CAST: variants seen among roughly 807,000 people sequenced by gnomAD.
CAST encodes calpastatin.
A neutral mutation model predicts 119.6 loss-of-function variants in CAST; 76 were observed. That is an observed-to-expected ratio of 0.64 (90% confidence interval 0.53 to 0.77). CAST has a LOEUF of 0.77. CAST is among the 30% of genes least tolerant of loss of function. The pLI is 0.00. For synonymous variants in CAST, 319 were observed against 331.6 expected (o/e 0.96, Z 0.41); for missense variants, 953 against 946.5 (o/e 1.01, Z -0.09).
chr5:96,585,465 C>A (rs1580835412), intron 1 of CAST, among the ~76,000 whole-genome samples: 1 of 152,170 alleles, frequency 6.6e-6, no homozygotes, highest in Non-Finnish European at 1.5e-5. Context: ...CCAACCTGCC[C>A]ACCTCCTACC....
chr5:96,086,186 T>G, the CAST span, among the ~76,000 whole-genome samples: 1 of 152,192 alleles, frequency 6.6e-6, no homozygotes, highest in African/African-American at 2.4e-5. Flanking sequence ...TAAAAATGGT[T>G]GTATTATTGG....
intron 20 of CAST, among the ~76,000 whole-genome samples, chr5:96,752,160 C>G (rs962319489): frequency 6.6e-6 from 1 of 152,128 alleles, no homozygotes; most frequent in Admixed American, 6.5e-5. Flanking sequence ...TTAAGGAAAC[C>G]CAGAGACCTG....
the CAST span, among the ~76,000 whole-genome samples, chr5:96,047,496 A>G: frequency 2.0e-5 from 3 of 152,216 alleles, no homozygotes; most frequent in Admixed American, 1.3e-4. Context: ...AAAGACTTTC[A>G]AAGAAAAAAG....
the CAST span, among the ~76,000 whole-genome samples, chr5:96,342,422 T>C: frequency 6.6e-6 from 1 of 152,062 alleles, no homozygotes; most frequent in East Asian, 1.9e-4. Context: ...CGGGGCTGGA[T>C]TGGGGCCTGA....
chr5:96,415,059 C>A, the CAST span, among the ~76,000 whole-genome samples: 2 of 152,010 alleles, frequency 1.3e-5, no homozygotes, highest in Non-Finnish European at 2.9e-5. Flanking sequence ...TTTTTGAAAA[C>A]CAAACTAAAC....
intron 1 of CAST, among the ~76,000 whole-genome samples, chr5:96,599,967 A>C (rs1443860817): frequency 1.7e-5 from 2 of 116,062 alleles, no homozygotes; most frequent in East Asian, 4.9e-4. Flanking sequence ...TTCATTAGGC[A>C]AAAAAAAAAA....
the CAST span, chr5:96,423,433 C>T: frequency 9.9e-6 from 16 of 1,613,966 alleles, no homozygotes; most frequent in Admixed American, 2.7e-4. Context: ...CCAGCTTGGG[C>T]AGGGCTGCCG....
intron 20 of CAST, among the ~76,000 whole-genome samples, chr5:96,751,279 T>C (rs1249078708): frequency 6.6e-6 from 1 of 152,196 alleles, no homozygotes; most frequent in Non-Finnish European, 1.5e-5. Flanking sequence ...TATATTTCAA[T>C]TGTATTTCAT....
the CAST span, among the ~76,000 whole-genome samples, chr5:96,488,099 G>T: frequency 1.3e-5 from 2 of 152,116 alleles, no homozygotes; most frequent in Non-Finnish European, 2.9e-5. Context: ...GCAACTTTAT[G>T]CTTCAGAACA....
the CAST span, among the ~76,000 whole-genome samples, chr5:96,236,644 G>A: frequency 6.6e-6 from 1 of 152,186 alleles, no homozygotes; most frequent in African/African-American, 2.4e-5. Context: ...CATTTCTGCT[G>A]AACTTTCTGA....
the CAST span, among the ~76,000 whole-genome samples, chr5:95,982,983 A>T: frequency 6.6e-6 from 1 of 152,242 alleles, no homozygotes; most frequent in Admixed American, 6.5e-5. Flanking sequence ...AAATGAAAGA[A>T]TGAGGCAATT....
chr5:95,992,790 G>A, the CAST span, among the ~76,000 whole-genome samples: 2 of 152,096 alleles, frequency 1.3e-5, no homozygotes, highest in Non-Finnish European at 2.9e-5. Flanking sequence ...AGGGGTATGT[G>A]AGAACTATAC....
chr5:96,367,289 G>A, the CAST span, among the ~76,000 whole-genome samples: 3 of 113,188 alleles, frequency 2.7e-5, no homozygotes, highest in Admixed American at 8.2e-5. Flanking sequence ...ACTTGAGGGG[G>A]CAGTCTGTCC....
chr5:96,763,776 A>G (rs1433352789), intron 25 of CAST, among the ~76,000 whole-genome samples: 1 of 152,218 alleles, frequency 6.6e-6, no homozygotes, highest in East Asian at 1.9e-4. Context: ...GCATTTGAAG[A>G]CATGATTTCA....
intron 8 of CAST, among the ~76,000 whole-genome samples, chr5:96,730,204 TAGC>T (rs1760166082): frequency 6.6e-6 from 1 of 152,252 alleles, no homozygotes; most frequent in East Asian, 1.9e-4. Context: ...CTGTAGTTAA[TAGC>T]AGCCACCTTT....
chr5:96,291,402 T>G, the CAST span, among the ~76,000 whole-genome samples: 1 of 152,236 alleles, frequency 6.6e-6, no homozygotes, highest in Non-Finnish European at 1.5e-5. Flanking sequence ...AAATTCTCTT[T>G]GGAGAATAGA....
At chr5:96,444,937 C>T in the CAST span, among the ~76,000 whole-genome samples, 1 of 152,296 alleles carries the variant, frequency 6.6e-6, no homozygotes, top group East Asian at 1.9e-4. Context: ...GAACTGGCAA[C>T]TGTGAGTTTT....
intron 1 of CAST, chr5:96,662,972 C>T: frequency 1.7e-6 from 1 of 605,738 alleles, no homozygotes; most frequent in South Asian, 2.0e-5. Flanking sequence ...TGCGCCGGGC[C>T]CCACCCCCAG....
chr5:96,205,501 G>C, the CAST span, among the ~76,000 whole-genome samples: 2 of 151,942 alleles, frequency 1.3e-5, no homozygotes, highest in African/African-American at 4.8e-5. Flanking sequence ...CGTGTCTCTT[G>C]TTCCCTTCTT....
Sources: allele counts gnomAD v4.1 joint callset (sites outside exome capture counted in the v4.1 genomes callset), GRCh38; gene constraint gnomAD v4.1.1; transcripts MANE v1.5; gene names NCBI Gene and HGNC (gene_info 2026-07-23, HGNC 2026-07-21).